The following FRMD4A variants were observed in gnomAD, a reference collection of about 807,000 sequenced individuals.
The protein encoded by FRMD4A is FERM domain-containing protein 4A.
In FRMD4A, 29 loss-of-function variants were observed where a neutral mutation model predicts 129.1. The ratio of observed to expected loss-of-function variants is 0.22; its 90% CI spans 0.17 to 0.31. FRMD4A has a LOEUF of 0.31. Ranked by LOEUF, FRMD4A falls within the 10% of genes least tolerant of loss-of-function variation. The pLI, the probability that FRMD4A is intolerant of heterozygous loss-of-function variation, is 1.00. For missense variants in FRMD4A, 1,272 were observed against 1,375.8 expected, an observed-to-expected ratio of 0.92 and a Z score of 1.19; for synonymous variants, 634 against 571.6, an observed-to-expected ratio of 1.11 and a Z score of -1.56.
At chr10:13,729,214 ACTG>A (rs2090150753) in intron 12 of FRMD4A, among the ~76,000 whole-genome samples, 2 of 152,158 alleles carry the variant, frequency 1.3e-5, no homozygotes, top group Non-Finnish European at 2.9e-5. Context: ...TTGGTCCTAC[ACTG>A]TGAATGAGTA....
chr10:14,054,949 T>C (rs1053479620), intron 2 of FRMD4A, among the ~76,000 whole-genome samples: 2 of 152,220 alleles, frequency 1.3e-5, no homozygotes, highest in Non-Finnish European at 2.9e-5. Context: ...CACATGGAAC[T>C]GTGAGTCCAT....
rs180938581 is a variant in FRMD4A, at chr10:13,739,610, T to A, written c.672+584A>T. 3.1e-4 allele frequency among the ~76,000 whole-genome samples: 47 copies of A among 152,306 alleles called. 1 individual carries two copies. Among genetic ancestry groups the A allele is most frequent in the African/African-American group, 1.1e-3 (44 of 41,574 alleles). ...TGAAATAAAGAGCACAGTTTTGAAG[T>A]TTTCTTGGAAGGCAGAAAGCATATA... On this transcript the variant is annotated intron_variant, in intron 11 of 24. Transcript: ENST00000357447.
intron 2 of FRMD4A, among the ~76,000 whole-genome samples, chr10:14,244,787 G>A (rs1272026905): frequency 2.6e-5 from 4 of 152,222 alleles, no homozygotes; most frequent in South Asian, 2.1e-4. Flanking sequence ...ATACAAATTC[G>A]TCTGACTCCA....
intron 2 of FRMD4A, among the ~76,000 whole-genome samples, chr10:13,964,146 A>C (rs1175516800): frequency 1.3e-5 from 2 of 149,522 alleles, no homozygotes; most frequent in Non-Finnish European, 1.5e-5. Flanking sequence ...AAAAAAAAAA[A>C]CAGAAACAAA....
chr10:13,852,195 C>T (rs2094148656), intron 3 of FRMD4A, among the ~76,000 whole-genome samples: 1 of 151,956 alleles, frequency 6.6e-6, no homozygotes, highest in Admixed American at 6.6e-5. Context: ...TAGAAATAGC[C>T]ATCCAAAAGA....
chr10:14,204,779 A>G (rs957907515), intron 2 of FRMD4A, among the ~76,000 whole-genome samples: 1 of 152,204 alleles, frequency 6.6e-6, no homozygotes, highest in African/African-American at 2.4e-5. Context: ...TCTGCATAGC[A>G]GGAAGGAGCA....
chr10:14,206,823 A>AGT, intron 2 of FRMD4A, among the ~76,000 whole-genome samples: 1 of 145,912 alleles, frequency 6.9e-6, no homozygotes. Flanking sequence ...AAAAAAAAAG[A>AGT]GAGACAGAGA....
chr10:13,691,136 C>T (rs1029200659), intron 15 of FRMD4A, among the ~76,000 whole-genome samples: 7 of 152,170 alleles, frequency 4.6e-5, no homozygotes, highest in African/African-American at 1.4e-4. Context: ...TACAGGTGTG[C>T]ACCACCATGC....
intron 2 of FRMD4A, among the ~76,000 whole-genome samples, chr10:14,209,549 G>A (rs530240237): frequency 1.7e-4 from 26 of 151,856 alleles, no homozygotes; most frequent in African/African-American, 5.3e-4. Context: ...GTGAAACCCC[G>A]TCTCTACTAA....
At chr10:14,189,248 C>T (rs981278733) in intron 2 of FRMD4A, among the ~76,000 whole-genome samples, 1 of 152,054 alleles carries the variant, frequency 6.6e-6, no homozygotes, top group African/African-American at 2.4e-5. Context: ...GCCAGAAATG[C>T]AAGAATTTGA....
intron 5 of FRMD4A, among the ~76,000 whole-genome samples, chr10:13,783,962 C>T (rs564860188): frequency 2.0e-5 from 3 of 152,144 alleles, no homozygotes; most frequent in East Asian, 3.9e-4. Context: ...TGAGATAATG[C>T]GCTTGTACTG....
chr10:14,311,585 T>C (rs1398127934), intron 2 of FRMD4A, among the ~76,000 whole-genome samples: 1 of 112,106 alleles, frequency 8.9e-6, no homozygotes, highest in East Asian at 3.0e-4. Flanking sequence ...CCACACTCAT[T>C]TCTGCCATCT....
At chr10:14,013,025 C>T (rs2095687301) in intron 2 of FRMD4A, among the ~76,000 whole-genome samples, 2 of 152,128 alleles carry the variant, frequency 1.3e-5, no homozygotes, top group Non-Finnish European at 1.5e-5. Flanking sequence ...ACTCCCAGGG[C>T]AGAAGGCAGG....
intron 2 of FRMD4A, among the ~76,000 whole-genome samples, chr10:14,313,487 CT>C (rs1282105632): frequency 6.6e-6 from 1 of 152,216 alleles, no homozygotes; most frequent in African/African-American, 2.4e-5. Flanking sequence ...TCAGAAACAT[CT>C]TTGTCATATT....
At chr10:14,179,701 T>A (rs1841848429) in intron 2 of FRMD4A, among the ~76,000 whole-genome samples, 1 of 152,220 alleles carries the variant, frequency 6.6e-6, no homozygotes. Context: ...GCGATTAACA[T>A]TCTTTCAAAT....
rs766291433 is a variant in FRMD4A at position 13,965,178 on chromosome 10, C to T, written c.46-106266G>A. Reference sequence around the variant, plus strand: ...GACATTGCCATCTGTAATCAAGTTACGGTGAGCTGCACCAGCCTAGAAATG... The same window carrying T: ...GACATTGCCATCTGTAATCAAGTTATGGTGAGCTGCACCAGCCTAGAAATG... On this transcript the variant is annotated intron_variant, in intron 2 of 24. Transcript: ENST00000357447. Among the ~76,000 whole-genome samples the T allele has an allele frequency of 5.9e-5, 9 of 151,424 alleles. 1 individual carries two copies. In the East Asian group the frequency reaches 7.8e-4, roughly 13 times the overall value.
chr10:13,943,985 A>G (rs1022618048), intron 2 of FRMD4A, among the ~76,000 whole-genome samples: 4 of 152,182 alleles, frequency 2.6e-5, no homozygotes, highest in Non-Finnish European at 2.9e-5. Context: ...AGGGCACTCG[A>G]TATGTTCCTA....
intron 2 of FRMD4A, among the ~76,000 whole-genome samples, chr10:14,010,380 T>C (rs1179086410): frequency 6.6e-6 from 1 of 152,188 alleles, no homozygotes; most frequent in Non-Finnish European, 1.5e-5. Flanking sequence ...TAGAAGAGAA[T>C]GTTAATGGTA....
intron 4 of FRMD4A, among the ~76,000 whole-genome samples, chr10:13,807,999 A>G (rs549505588): frequency 7.2e-5 from 11 of 152,142 alleles, no homozygotes; most frequent in Admixed American, 4.6e-4. Context: ...GGGTTTCACC[A>G]TGTTGGCCAG....
Sources: allele counts gnomAD v4.1 joint callset (sites outside exome capture counted in the v4.1 genomes callset), GRCh38; gene constraint gnomAD v4.1.1; transcripts MANE v1.5; gene names NCBI Gene and HGNC (gene_info 2026-07-23, HGNC 2026-07-21).